Variants in CSNK2A2 observed in about 807,000 individuals in gnomAD.
CSNK2A2 encodes the protein casein kinase 2 alpha 2, also known as casein kinase II subunit alpha'.
In CSNK2A2, 8 loss-of-function variants were observed where a neutral mutation model predicts 54.0. The ratio of observed to expected loss-of-function variants is 0.15; its 90% confidence interval spans 0.09 to 0.27. The LOEUF (loss-of-function observed/expected upper bound fraction) is 0.27. CSNK2A2 is among the 10% of genes least tolerant of loss of function. The pLI is 1.00. For synonymous variants in CSNK2A2, 141 were observed against 153.9 expected, an observed-to-expected ratio of 0.92 and a Z score of 0.62; for missense variants, 242 against 439.4, an observed-to-expected ratio of 0.55 and a Z score of 4.02.
intron 7 of CSNK2A2, 78 bp downstream of exon 7, chr16:58,167,607 A>G: frequency 1.8e-6 from 2 of 1,127,308 alleles, no homozygotes; most frequent in South Asian, 2.6e-5. Flanking sequence ...GTGTATTCAA[A>G]CTGACTAGAT....
At chr16:58,182,390 A>C (rs1242932860) in intron 4 of CSNK2A2, among the ~76,000 whole-genome samples, 1 of 145,062 alleles carries the variant, frequency 6.9e-6, no homozygotes, top group Non-Finnish European at 1.5e-5. Context: ...AAAAAAAAAA[A>C]AAAAAAAAAA....
chr16:58,179,509 A>G (rs1961970897), intron 4 of CSNK2A2, among the ~76,000 whole-genome samples: 1 of 151,992 alleles, frequency 6.6e-6, no homozygotes, highest in South Asian at 2.1e-4. Context: ...TCAAAAAAAA[A>G]AAAGAAAGAA....
At chr16:58,194,177 A>C (rs1432796134) in intron 2 of CSNK2A2, among the ~76,000 whole-genome samples, 2 of 152,180 alleles carry the variant, frequency 1.3e-5, no homozygotes, top group Non-Finnish European at 2.9e-5. Flanking sequence ...AAAATACAGC[A>C]GGCTTTTACA....
At position 58,197,914 on chromosome 16, in the gene CSNK2A2, G is replaced by C. The variant is rs1436519006; in HGVS notation, c.-178C>G. Reference sequence around the variant, plus strand: ...GCCCGCGGGGGCGGGCGGGCTGGGGGCGCGGGGGGCGCCGGCCGAGCCGGC... The same window carrying C: ...GCCCGCGGGGGCGGGCGGGCTGGGGCCGCGGGGGGCGCCGGCCGAGCCGGC... On this transcript the variant is annotated 5_prime_UTR_variant, in exon 1 of 12. Coordinates refer to ENST00000262506, the MANE Select transcript of CSNK2A2 (RefSeq NM_001896.4). The surrounding 1 kb of genome is among the most constrained non-coding windows in gnomAD (Gnocchi z 4.0). 7.1e-6 allele frequency: 1 copy of C among 140,550 alleles called. No homozygotes were observed. 8.7% of individuals were successfully genotyped at this position (140,550 alleles called of 1,614,324 possible). A position where few individuals can be genotyped will look rare whatever the true frequency, so the allele number is the denominator to read the frequency against.
At chr16:58,189,443 C>T (rs1203064713) in intron 2 of CSNK2A2, among the ~76,000 whole-genome samples, 1 of 152,196 alleles carries the variant, frequency 6.6e-6, no homozygotes, top group African/African-American at 2.4e-5. Context: ...TCTTCTAATT[C>T]TAACAGTACT....
intron 2 of CSNK2A2, among the ~76,000 whole-genome samples, chr16:58,193,392 TACC>T (rs1459720090): frequency 1.3e-5 from 2 of 152,202 alleles, no homozygotes; most frequent in Admixed American, 1.3e-4. Context: ...AAAATTTTAA[TACC>T]ACCACCCTTT....
At chr16:58,176,741 C>CCT (rs1007463521) in intron 4 of CSNK2A2, among the ~76,000 whole-genome samples, 2 of 152,184 alleles carry the variant, frequency 1.3e-5, no homozygotes, top group Non-Finnish European at 2.9e-5. Flanking sequence ...GACAATGATA[C>CCT]CTCCCTTCTC....
chr16:58,190,472 T>C (rs891441640), intron 2 of CSNK2A2, among the ~76,000 whole-genome samples: 4 of 152,192 alleles, frequency 2.6e-5, no homozygotes, highest in African/African-American at 9.7e-5. Context: ...TGATGGCACG[T>C]AATTCACTAC....
chr16:58,164,888 G>A (rs958815686), intron 10 of CSNK2A2, among the ~76,000 whole-genome samples: 2 of 152,202 alleles, frequency 1.3e-5, no homozygotes, highest in Non-Finnish European at 2.9e-5. Context: ...CAGAGACAAC[G>A]ACTTTAAGGG....
chr16:58,188,954 GC>G (rs1350558532), intron 2 of CSNK2A2, among the ~76,000 whole-genome samples: 12 of 123,034 alleles, frequency 9.8e-5, no homozygotes, highest in Non-Finnish European at 1.6e-4. Context: ...ATAAAAACTG[GC>G]TTTTTTTTTT....
chr16:58,170,962 C>G (rs1567465784), intron 5 of CSNK2A2, among the ~76,000 whole-genome samples: 1 of 152,072 alleles, frequency 6.6e-6, no homozygotes, highest in African/African-American at 2.4e-5. Context: ...CAATGAAATA[C>G]TCTTCAAGTA....
chr16:58,186,926 T>C, intron 2 of CSNK2A2, 70 bp from the exon 3 acceptor site: 1 of 1,247,160 alleles, frequency 8.0e-7, no homozygotes, highest in Non-Finnish European at 1.2e-6. Context: ...TAAAACAATG[T>C]TAGCCAATCA....
At chr16:58,164,216 C>T in intron 10 of CSNK2A2, 69 bp from the exon 11 acceptor site, 1 of 1,445,164 alleles carries the variant, frequency 6.9e-7, no homozygotes. Context: ...ATGGCAAACC[C>T]ACCCTTTCAA....
chr16:58,165,420 T>A, intron 10 of CSNK2A2, 140 bp downstream of exon 10: 1 of 811,252 alleles, frequency 1.2e-6, no homozygotes, highest in Non-Finnish European at 1.8e-6. Context: ...GTCTCAATCA[T>A]CTACGATAAA....
At chr16:58,184,693 A>AGTT (rs1962145441) in intron 3 of CSNK2A2, among the ~76,000 whole-genome samples, 1 of 152,228 alleles carries the variant, frequency 6.6e-6, no homozygotes, top group Non-Finnish European at 1.5e-5. Context: ...GGCCTTAACC[A>AGTT]ATCTTCAAAG....
chr16:58,197,950 A>C lies in CSNK2A2; in HGVS notation c.-214T>G, dbSNP rs1962520367. 2.3e-5 allele frequency: 3 copies of C among 128,024 alleles called. No homozygotes were observed. Among genetic ancestry groups the C allele is most frequent in the East Asian group, 2.6e-4 (1 of 3,800 alleles). 7.9% of individuals were successfully genotyped at this position (128,024 alleles called of 1,614,324 possible). On this transcript the variant is annotated 5_prime_UTR_variant, in exon 1 of 12. Coordinates refer to ENST00000262506, the MANE Select transcript of CSNK2A2 (RefSeq NM_001896.4). The surrounding 1 kb of genome is among the most constrained non-coding windows in gnomAD (Gnocchi z 4.0). ...GCCGGCCGAGCCGGCCCGGCCCTGG[A>C]GCGGCCGGCGGGGCGGCGGGGCGGG...
chr16:58,176,151 C>T (rs1428992826), intron 4 of CSNK2A2, among the ~76,000 whole-genome samples: 2 of 152,180 alleles, frequency 1.3e-5, no homozygotes, highest in African/African-American at 4.8e-5. Context: ...CTAAATTGAA[C>T]TTCAAGTCAA....
At chr16:58,171,209 G>C (rs901054117) in intron 5 of CSNK2A2, among the ~76,000 whole-genome samples, 1 of 152,086 alleles carries the variant, frequency 6.6e-6, no homozygotes, top group Non-Finnish European at 1.5e-5. Context: ...GCTTTTCCCT[G>C]AACCAAGAGT....
At chr16:58,160,154 C>T (rs924783082) in intron 11 of CSNK2A2, 3 of 152,156 alleles carry the variant, frequency 2.0e-5, no homozygotes, top group African/African-American at 7.2e-5. Flanking sequence ...TGGTCTCCAC[C>T]TCGGGGTTAT....
Sources: allele counts gnomAD v4.1 joint callset (sites outside exome capture counted in the v4.1 genomes callset), GRCh38; gene constraint gnomAD v4.1.1; non-coding constraint Gnocchi (gnomAD v3.1); transcripts MANE v1.5; gene names NCBI Gene and HGNC (gene_info 2026-07-23, HGNC 2026-07-21).